PTPN13: variants seen among roughly 807,000 people sequenced by gnomAD.
The protein encoded by PTPN13 is protein tyrosine phosphatase non-receptor type 13.
A neutral mutation model predicts 284.0 loss-of-function variants in PTPN13; 191 were observed. That is an observed-to-expected ratio of 0.67 (90% CI 0.60 to 0.76). The LOEUF (loss-of-function observed/expected upper bound fraction) is 0.76, where lower values mean the gene tolerates loss of function less well. Ranked by LOEUF, PTPN13 falls within the 30% of genes least tolerant of loss-of-function variation. The probability of loss-of-function intolerance (pLI) is 0.00; values close to 1 mark genes in which losing one functional copy is unlikely to be tolerated. For missense variants in PTPN13, 2,797 were observed against 2,939.9 expected (o/e 0.95, Z 1.12); for synonymous variants, 986 against 1,022.3 (o/e 0.96, Z 0.68).
At position 86,764,659 on chromosome 4, in the gene PTPN13, A is replaced by G. The variant is rs1229556685; in HGVS notation, c.4084A>G (p.Lys1362Glu). Residue 1362 changes from lysine to glutamate, a missense_variant, in exon 25 of 48, where the codon AAG becomes GAG. Lys to Glu is a moderately conservative substitution (Grantham distance 56). Transcript: ENST00000411767. ...TAAAACTTTTTCTTCATCACCTCCT[A>G]AGCCTGGAGATATCTTTGAGGTTGA... is the stretch of plus-strand genomic sequence containing the variant. The part of the protein sequence containing the change: ...NFKTFSSSPP[K>E]PGDIFEVELA... The G allele has an allele frequency of 5.0e-6, 8 of 1,602,994 alleles. No homozygotes were observed. The highest frequency in any genetic ancestry group is 1.7e-5 in the Admixed American group (1 of 57,840).
At chr4:86,746,638 T>G (rs1736792912) in intron 17 of PTPN13, among the ~76,000 whole-genome samples, 1 of 152,106 alleles carries the variant, frequency 6.6e-6, no homozygotes, top group African/African-American at 2.4e-5. Flanking sequence ...TTTTTTTGTT[T>G]TGTTTTTTCT....
Position 86,716,676 on chromosome 4 carries a change from A to G in PTPN13, c.1291+51A>G, listed in dbSNP as rs565466711. On this transcript the variant is annotated intron_variant, in intron 8 of 47. Coordinates refer to ENST00000411767, the MANE Select transcript of PTPN13 (RefSeq NM_080683.3). ...CTGTTTTTAAGAAACCACGATTATT[A>G]TTATTTTCAATAGTGTTCAAATATT... 8 of 1,166,478 alleles carry G rather than the reference A, an allele frequency of 6.9e-6. No homozygotes were observed. The African/African-American group carries it at 7.8e-5, about 11-fold the overall frequency. 72.3% of individuals were successfully genotyped at this position (1,166,478 alleles called of 1,614,324 possible). A position where few individuals can be genotyped will look rare whatever the true frequency, so the allele number is the denominator to read the frequency against.
chr4:86,770,162 C>T lies in PTPN13; in HGVS notation c.4766C>T (p.Pro1589Leu), dbSNP rs1407942766. 6 of 1,613,646 alleles carry T rather than the reference C, an allele frequency of 3.7e-6. No individual in the cohort carries two copies. Among genetic ancestry groups the T allele is most frequent in the African/African-American group, 2.7e-5 (2 of 74,910 alleles). The change falls in exon 30 of 48, where the codon CCA (proline) becomes CTA (leucine). Residue 1589 changes from proline (P) to leucine (L), a missense_variant. Physicochemically the swap from Pro to Leu is moderately conservative, Grantham distance 98. Transcript: ENST00000411767. ...GTATTCTTGCTTCTCTGCAGACCTC[C>T]ACCTGGTGTGCTACCGGAAATTGAT... is the stretch of plus-strand genomic sequence containing the variant. The part of the protein sequence containing the change: ...PEVFLLLCRP[P>L]PGVLPEIDTA...
intron 2 of PTPN13, among the ~76,000 whole-genome samples, chr4:86,656,247 A>G (rs2148827675): frequency 6.6e-6 from 1 of 152,278 alleles, no homozygotes; most frequent in South Asian, 2.1e-4. Context: ...CAACTCGTCA[A>G]AGTCATTCTC....
intron 7 of PTPN13, among the ~76,000 whole-genome samples, chr4:86,702,840 C>T (rs1000836390): frequency 6.6e-6 from 1 of 152,010 alleles, no homozygotes; most frequent in South Asian, 2.1e-4. Flanking sequence ...TGATTAAAGA[C>T]GACTTTAAGA....
chr4:86,745,108 AC>A lies in PTPN13; in HGVS notation c.2632del (p.Gln878LysfsTer14). 1 of 1,611,528 alleles carries A rather than the reference AC, an allele frequency of 6.2e-7. No individual in the cohort carries two copies. The highest frequency in any genetic ancestry group is 8.5e-7 in the Non-Finnish European group (1 of 1,179,054). The stretch of plus-strand genomic sequence containing the variant: ...CTACAGATGAGAGCAAGACAGAGCA[AC>A]CAAGATGCCCAAGATATTGGTAAGG... The part of the protein sequence containing the change: ...FQLQMRARQS[N>X]QDAQDIERAS... On this transcript the variant is annotated frameshift_variant, in exon 17 of 48. Coordinates refer to ENST00000411767, the MANE Select transcript of PTPN13 (RefSeq NM_080683.3). LOFTEE classifies it high-confidence loss of function.
chr4:86,772,882 T>C lies in PTPN13; in HGVS notation c.5273T>C (p.Ile1758Thr). The stretch of plus-strand genomic sequence containing the variant: ...ATGGATAAGTATCATATACATCACA[T>C]TTCTGAACCAACTAGACAAGAAAAC... Reference protein sequence around the residue: ...SSMDKYHIHHISEPTRQENWT... With the variant: ...SSMDKYHIHHTSEPTRQENWT... The change falls in exon 32 of 48, where the codon ATT becomes ACT. Residue 1758 changes from isoleucine (I) to threonine (T), a missense_variant. By Grantham distance (89) the Ile-to-Thr change is moderately conservative. Coordinates refer to ENST00000411767, the MANE Select transcript of PTPN13 (RefSeq NM_080683.3). The C allele has an allele frequency of 6.2e-7, 1 of 1,612,756 alleles. No homozygotes were observed. The highest frequency in any genetic ancestry group is 1.1e-5 in the South Asian group (1 of 90,870).
chr4:86,652,387 C>A (rs922010369), intron 2 of PTPN13, among the ~76,000 whole-genome samples: 1 of 152,056 alleles, frequency 6.6e-6, no homozygotes, highest in Non-Finnish European at 1.5e-5. Flanking sequence ...TTTCTTGTTG[C>A]TCATAAACAT....
At chr4:86,769,234 GTTC>G (rs756366112) in intron 28 of PTPN13, among the ~76,000 whole-genome samples, 4 of 151,954 alleles carry the variant, frequency 2.6e-5, no homozygotes, top group South Asian at 4.2e-4. Context: ...CATTTATTTT[GTTC>G]TTCTTTTCAT....
chr4:86,770,290 C>T (rs976728214), intron 30 of PTPN13, 91 bp downstream of exon 30: 3 of 1,236,514 alleles, frequency 2.4e-6, no homozygotes, highest in African/African-American at 1.5e-5. Context: ...ATGAATTGTT[C>T]TCCTGGGTTT....
In PTPN13 at chr4:86,617,429, C is replaced by G. The variant is rs147700230; in HGVS notation, c.-5-17823C>G. ...TTGAATTTTTATTTTTATTTTTTTA[C>G]TTTTTTAAATTATATTTTAAGTTTT... On this transcript the variant is annotated intron_variant, in intron 1 of 47. Coordinates refer to ENST00000411767, the MANE Select transcript of PTPN13 (RefSeq NM_080683.3). Among the ~76,000 whole-genome samples the G allele has an allele frequency of 4.0e-3, 602 of 151,982 alleles. 2 individuals are homozygous for G. Among genetic ancestry groups the G allele is most frequent in the Admixed American group, 7.3e-3 (112 of 15,266 alleles).
intron 1 of PTPN13, among the ~76,000 whole-genome samples, chr4:86,608,093 A>G (rs572921007): frequency 1.1e-3 from 160 of 152,198 alleles, no homozygotes; most frequent in African/African-American, 3.8e-3. Flanking sequence ...TAAATAGATA[A>G]AAGGTAAAAC....
chr4:86,689,531 A>G (rs1729801687), intron 5 of PTPN13: 2 of 620,606 alleles, frequency 3.2e-6, no homozygotes, highest in Non-Finnish European at 5.7e-6. Flanking sequence ...AAAATGTATT[A>G]ACATGAAAAT....
intron 2 of PTPN13, among the ~76,000 whole-genome samples, chr4:86,659,134 A>G (rs1726186888): frequency 6.6e-6 from 1 of 152,166 alleles, no homozygotes; most frequent in South Asian, 2.1e-4. Context: ...TATCATAAAC[A>G]TCATATATAA....
intron 7 of PTPN13, among the ~76,000 whole-genome samples, chr4:86,708,371 TTC>T (rs1460145461): frequency 4.6e-5 from 7 of 151,366 alleles, no homozygotes; most frequent in Non-Finnish European, 1.0e-4. Flanking sequence ...GTATATTTAC[TTC>T]TCTTCTTTCG....
intron 2 of PTPN13, among the ~76,000 whole-genome samples, chr4:86,660,006 G>A (rs1426424535): frequency 6.6e-6 from 1 of 152,070 alleles, no homozygotes; most frequent in Non-Finnish European, 1.5e-5. Context: ...TCAAGAAGAA[G>A]GAAATATAAC....
chr4:86,787,871 A>C (rs1027642963), intron 40 of PTPN13, among the ~76,000 whole-genome samples: 1 of 152,180 alleles, frequency 6.6e-6, no homozygotes, highest in African/African-American at 2.4e-5. Flanking sequence ...AATTTATTAA[A>C]TTGGCCATCT....
chr4:86,681,622 G>A (rs1728894131), intron 3 of PTPN13, among the ~76,000 whole-genome samples: 1 of 152,132 alleles, frequency 6.6e-6, no homozygotes, highest in Non-Finnish European at 1.5e-5. Flanking sequence ...CTGTAAGATT[G>A]AATGAGCTAA....
chr4:86,597,454 C>T (rs952902909), intron 1 of PTPN13, among the ~76,000 whole-genome samples: 1 of 152,066 alleles, frequency 6.6e-6, no homozygotes, highest in Non-Finnish European at 1.5e-5. Flanking sequence ...GCTGTATTGA[C>T]CAAGGCTAAA....
Sources: allele counts gnomAD v4.1 joint callset (sites outside exome capture counted in the v4.1 genomes callset), GRCh38; gene constraint gnomAD v4.1.1; transcripts MANE v1.5; gene names NCBI Gene and HGNC (gene_info 2026-07-23, HGNC 2026-07-21).